The following CCDC171 variants were observed in gnomAD, a reference collection of about 807,000 sequenced individuals.
CCDC171 encodes coiled-coil domain containing 171.
Under a neutral mutation model 168.2 loss-of-function variants are expected in CCDC171, and 177 were observed. The observed-to-expected ratio is 1.05, with a 90% CI of 0.93 to 1.19. The LOEUF is 1.19. Ranked by LOEUF, CCDC171 falls within the 50% of genes most tolerant of loss-of-function variation. The pLI, the probability that CCDC171 is intolerant of heterozygous loss-of-function variation, is 0.00. For synonymous variants in CCDC171, 687 were observed against 540.8 expected, an observed-to-expected ratio of 1.27 and a Z score of -3.75; for missense variants, 1,991 against 1,539.0, an observed-to-expected ratio of 1.29 and a Z score of -4.91.
intron 18 of CCDC171, among the ~76,000 whole-genome samples, chr9:15,775,907 T>A (rs1442195756): frequency 6.6e-6 from 1 of 152,088 alleles, no homozygotes; most frequent in Non-Finnish European, 1.5e-5. Flanking sequence ...TTTGTTAAGA[T>A]GAAAAAAGAC....
intron 7 of CCDC171, among the ~76,000 whole-genome samples, chr9:15,637,265 A>G (rs1171668313): frequency 6.6e-6 from 1 of 152,266 alleles, no homozygotes; most frequent in East Asian, 1.9e-4. Flanking sequence ...CAAAAACAAA[A>G]CAAAAGAAAA....
At chr9:15,625,669 G>T (rs921845244) in intron 7 of CCDC171, among the ~76,000 whole-genome samples, 4 of 152,128 alleles carry the variant, frequency 2.6e-5, no homozygotes, top group Admixed American at 2.0e-4. Context: ...CTGTTCCATT[G>T]GTCTATATCT....
chr9:15,684,999 C>G (rs1383944569), intron 10 of CCDC171, among the ~76,000 whole-genome samples: 1 of 152,106 alleles, frequency 6.6e-6, no homozygotes, highest in Non-Finnish European at 1.5e-5. Flanking sequence ...CATTAAGGGA[C>G]CTTTAATCCT....
chr9:15,964,104 T>C (rs1022898038), intron 25 of CCDC171, among the ~76,000 whole-genome samples: 1 of 152,178 alleles, frequency 6.6e-6, no homozygotes, highest in African/African-American at 2.4e-5. Flanking sequence ...GCAGCCTGGA[T>C]TCTTGATAAC....
chr9:16,071,090 C>G, the CCDC171 span, among the ~76,000 whole-genome samples: 3 of 152,078 alleles, frequency 2.0e-5, no homozygotes, highest in African/African-American at 7.2e-5. Context: ...TCCCAGGAGC[C>G]GTCACAGTGA....
At chr9:16,039,327 G>A (rs1204783737), upstream of CCDC171, among the ~76,000 whole-genome samples, 1 of 152,176 alleles carries the variant, frequency 6.6e-6, no homozygotes, top group East Asian at 1.9e-4. Context: ...ATTTTGGCAT[G>A]TGAGTACTGC....
chr9:15,878,264 A>T (rs1182551554), intron 24 of CCDC171, among the ~76,000 whole-genome samples: 1 of 152,122 alleles, frequency 6.6e-6, no homozygotes, highest in African/African-American at 2.4e-5. Context: ...ACCTATAAGG[A>T]ACTTAAATTT....
chr9:15,961,701 T>C (rs1830348616), intron 25 of CCDC171, among the ~76,000 whole-genome samples: 1 of 152,180 alleles, frequency 6.6e-6, no homozygotes, highest in Non-Finnish European at 1.5e-5. Flanking sequence ...GAGCCATAAC[T>C]ATACTAAAAT....
chr9:15,931,456 C>CTTT (rs57124025), intron 25 of CCDC171, among the ~76,000 whole-genome samples: 356 of 44,926 alleles, frequency 7.9e-3, no homozygotes, highest in Middle Eastern at 0.023. Flanking sequence ...TTCTTTCTTT[C>CTTT]TTTTTTTTTT....
At chr9:15,862,961 C>G (rs770193) in intron 23 of CCDC171, among the ~76,000 whole-genome samples, 130,768 of 151,978 alleles carry the variant, frequency 0.86, 56,327 homozygotes, top group East Asian at 0.98. Context: ...GAGAGCTGGG[C>G]ATTTTTTTTC....
chr9:16,003,045 G>A (rs551217328), intron 3 of CCDC171, among the ~76,000 whole-genome samples: 2 of 152,276 alleles, frequency 1.3e-5, no homozygotes, highest in South Asian at 2.1e-4. Context: ...GTTAAGTGAT[G>A]CACGACTCTA....
chr9:16,003,167 A>G (rs1832605198), intron 3 of CCDC171, among the ~76,000 whole-genome samples: 1 of 152,200 alleles, frequency 6.6e-6, no homozygotes, highest in Non-Finnish European at 1.5e-5. Flanking sequence ...AACTTCCCAC[A>G]TCCAGAGTTC....
chr9:15,739,738 C>A (rs1433532426), intron 16 of CCDC171, among the ~76,000 whole-genome samples: 1 of 123,784 alleles, frequency 8.1e-6, no homozygotes. Context: ...TATGTAATAC[C>A]AATTTTTTTT....
intron 6 of CCDC171, among the ~76,000 whole-genome samples, chr9:15,604,729 G>C (rs2043097137): frequency 6.6e-6 from 1 of 152,028 alleles, no homozygotes. Context: ...CAGGGATTGG[G>C]GTGCAACATA....
chr9:15,564,065 A>G lies in CCDC171; in HGVS notation c.-24A>G, dbSNP rs1463422239. On this transcript the variant is annotated 5_prime_UTR_variant, in exon 2 of 26. Coordinates refer to ENST00000380701, the MANE Select transcript of CCDC171 (RefSeq NM_173550.4). ...ATATGTCATTAAGAAATAGCAGGGTATTTTGAAAGAGTTGGAAAACATCAT... is the reference window on the plus strand; with the variant it reads ...ATATGTCATTAAGAAATAGCAGGGTGTTTTGAAAGAGTTGGAAAACATCAT... 3.2e-6 allele frequency: 5 copies of G among 1,576,344 alleles called. No individual in the cohort carries two copies. The South Asian group carries it at 3.4e-5, about 11-fold the overall frequency.
At chr9:15,845,781 C>T (rs77436699) in intron 21 of CCDC171, 18 of 151,990 alleles carry the variant, frequency 1.2e-4, no homozygotes, top group African/African-American at 3.9e-4. Context: ...GAAATTTTTT[C>T]GGCAAAGGAG....
At chr9:15,559,258 G>T (rs2039071857) in intron 1 of CCDC171, among the ~76,000 whole-genome samples, 1 of 152,142 alleles carries the variant, frequency 6.6e-6, no homozygotes. Flanking sequence ...TCTGCTTGGT[G>T]CAGAGCTGAG....
At chr9:15,866,773 C>G (rs2061805842) in intron 23 of CCDC171, among the ~76,000 whole-genome samples, 1 of 151,964 alleles carries the variant, frequency 6.6e-6, no homozygotes, top group Non-Finnish European at 1.5e-5. Context: ...AAATGCATTT[C>G]AAGAGATTAA....
chr9:15,825,783 T>G (rs1446769908), intron 21 of CCDC171, among the ~76,000 whole-genome samples: 1 of 152,138 alleles, frequency 6.6e-6, no homozygotes, highest in Non-Finnish European at 1.5e-5. Flanking sequence ...TAGCAGCTAG[T>G]TAGCTGTCAA....
Sources: gnomAD v4.1 joint callset for allele counts (sites outside exome capture counted in the v4.1 genomes callset) on GRCh38, gnomAD v4.1.1 for gene constraint, MANE v1.5 for transcripts, NCBI Gene and HGNC (gene_info 2026-07-23, HGNC 2026-07-21) for gene names.